The following AFG2A variants were observed in gnomAD, a reference collection of about 807,000 sequenced individuals.
AFG2A encodes the protein ATPase family gene 2 protein homolog A.
chr4:122,992,007 T>G, the AFG2A span, among the ~76,000 whole-genome samples: 1 of 152,198 alleles, frequency 6.6e-6, no homozygotes, highest in East Asian at 1.9e-4. Flanking sequence ...ATGCCACATG[T>G]CAGAATTTCA....
the AFG2A span, among the ~76,000 whole-genome samples, chr4:123,114,187 A>G: frequency 1.5e-4 from 23 of 152,044 alleles, no homozygotes; most frequent in African/African-American, 5.3e-4. Context: ...TGAGCCTCAG[A>G]GGGGAGGAAG....
At chr4:123,211,345 G>A in the AFG2A span, among the ~76,000 whole-genome samples, 8 of 152,246 alleles carry the variant, frequency 5.3e-5, no homozygotes, top group African/African-American at 9.6e-5. Context: ...CAGGGGAGAA[G>A]AATGTTCTGT....
At chr4:123,273,067 A>G in the AFG2A span, among the ~76,000 whole-genome samples, 1 of 152,170 alleles carries the variant, frequency 6.6e-6, no homozygotes, top group African/African-American at 2.4e-5. Context: ...TATATTATTC[A>G]GAAAGAAGTA....
chr4:123,268,205 T>C, the AFG2A span, among the ~76,000 whole-genome samples: 5 of 151,822 alleles, frequency 3.3e-5, no homozygotes, highest in South Asian at 4.2e-4. Context: ...AGGGAGCAGA[T>C]GAAAAGAGAG....
At chr4:122,999,736 T>C in the AFG2A span, among the ~76,000 whole-genome samples, 110 of 152,340 alleles carry the variant, frequency 7.2e-4, no homozygotes, top group African/African-American at 2.4e-3. Context: ...TGAAGTCAGG[T>C]AGCATGATGC....
the AFG2A span, among the ~76,000 whole-genome samples, chr4:123,033,072 C>T: frequency 6.6e-6 from 1 of 152,158 alleles, no homozygotes; most frequent in Admixed American, 6.5e-5. Flanking sequence ...TATTAATATT[C>T]TCTTATCAAA....
At chr4:123,093,420 C>T in the AFG2A span, among the ~76,000 whole-genome samples, 779 of 152,306 alleles carry the variant, frequency 5.1e-3, 4 homozygotes, top group Middle Eastern at 0.014. Flanking sequence ...ATTGCCATGA[C>T]ATTTGTCAAC....
At chr4:123,129,146 A>G in the AFG2A span, among the ~76,000 whole-genome samples, 1 of 152,182 alleles carries the variant, frequency 6.6e-6, no homozygotes, top group Non-Finnish European at 1.5e-5. Flanking sequence ...TAAAAATCTT[A>G]AAGGCAATAC....
chr4:122,949,193 G>C, the AFG2A span, among the ~76,000 whole-genome samples: 1 of 152,140 alleles, frequency 6.6e-6, no homozygotes, highest in African/African-American at 2.4e-5. Flanking sequence ...AAGATGTCCA[G>C]GGCCATGCAA....
chr4:123,022,402 G>C, the AFG2A span, among the ~76,000 whole-genome samples: 2 of 152,022 alleles, frequency 1.3e-5, no homozygotes, highest in Non-Finnish European at 2.9e-5. Flanking sequence ...CTCAAAAGAA[G>C]ACATTTATGC....
the AFG2A span, among the ~76,000 whole-genome samples, chr4:123,312,705 A>G: frequency 6.6e-6 from 1 of 152,228 alleles, no homozygotes; most frequent in African/African-American, 2.4e-5. Flanking sequence ...TCAGAAAAAC[A>G]TTAACATGCA....
the AFG2A span, among the ~76,000 whole-genome samples, chr4:123,033,625 C>T: frequency 8.5e-5 from 13 of 152,108 alleles, no homozygotes; most frequent in Admixed American, 1.3e-4. Flanking sequence ...TGGAAAAAGA[C>T]TGATGGTGGG....
chr4:123,303,622 G>T, the AFG2A span, among the ~76,000 whole-genome samples: 1 of 151,916 alleles, frequency 6.6e-6, no homozygotes, highest in Non-Finnish European at 1.5e-5. Context: ...AAAGCCAGGC[G>T]TGGTGGCATA....
At chr4:123,245,714 T>TA in the AFG2A span, among the ~76,000 whole-genome samples, 2 of 152,226 alleles carry the variant, frequency 1.3e-5, no homozygotes, top group African/African-American at 4.8e-5. Flanking sequence ...TGCACAGTGC[T>TA]ACAGGTTTTT....
At chr4:122,950,152 G>A in the AFG2A span, among the ~76,000 whole-genome samples, 1 of 152,124 alleles carries the variant, frequency 6.6e-6, no homozygotes, top group African/African-American at 2.4e-5. Flanking sequence ...GTTTGTGCAC[G>A]GCTGCTGGTA....
the AFG2A span, among the ~76,000 whole-genome samples, chr4:123,242,176 C>A: frequency 6.6e-6 from 1 of 152,142 alleles, no homozygotes; most frequent in Non-Finnish European, 1.5e-5. Context: ...TGAAAATATC[C>A]ATACTGCCCA....
the AFG2A span, among the ~76,000 whole-genome samples, chr4:123,238,269 G>A: frequency 1.3e-5 from 2 of 152,208 alleles, no homozygotes; most frequent in Non-Finnish European, 2.9e-5. Context: ...ACAAAAGGCA[G>A]CAGTAACTTC....
chr4:123,310,623 A>G, the AFG2A span, among the ~76,000 whole-genome samples: 1 of 152,210 alleles, frequency 6.6e-6, no homozygotes, highest in African/African-American at 2.4e-5. Context: ...GTTTGTGAGC[A>G]GGGGAAGACA....
chr4:122,984,176 C>G, the AFG2A span, among the ~76,000 whole-genome samples: 1 of 152,046 alleles, frequency 6.6e-6, no homozygotes, highest in Admixed American at 6.6e-5. Context: ...CTTTCGACTC[C>G]TTGGTTAGGT....
Sources: allele counts gnomAD v4.1 joint callset (sites outside exome capture counted in the v4.1 genomes callset), GRCh38; gene constraint gnomAD v4.1.1; transcripts MANE v1.5; gene names NCBI Gene and HGNC (gene_info 2026-07-23, HGNC 2026-07-21).